Variants in PTPRD observed in about 807,000 individuals in gnomAD.
PTPRD encodes the protein receptor-type tyrosine-protein phosphatase delta.
In PTPRD, 34 loss-of-function variants were observed where a neutral mutation model predicts 214.5. The ratio of observed to expected loss-of-function variants is 0.16; its 90% CI spans 0.12 to 0.21. The LOEUF (loss-of-function observed/expected upper bound fraction) is 0.21. PTPRD is among the 10% of genes least tolerant of loss of function. The probability of loss-of-function intolerance (pLI) is 1.00; values close to 1 mark genes in which losing one functional copy is unlikely to be tolerated. For synonymous variants in PTPRD, 1,128 were observed against 845.7 expected, an observed-to-expected ratio of 1.33 and a Z score of -5.79; for missense variants, 2,545 against 2,398.7, an observed-to-expected ratio of 1.06 and a Z score of -1.27.
At chr9:8,534,375 C>T (rs942376059) in intron 14 of PTPRD, among the ~76,000 whole-genome samples, 3 of 151,758 alleles carry the variant, frequency 2.0e-5, no homozygotes, top group African/African-American at 7.3e-5. Flanking sequence ...GCTAAAAAAG[C>T]CCAGGAGTGA....
intron 2 of PTPRD, among the ~76,000 whole-genome samples, chr9:10,383,204 C>T (rs1165533926): frequency 6.6e-6 from 1 of 151,850 alleles, no homozygotes; most frequent in Non-Finnish European, 1.5e-5. Context: ...AATTTAAATA[C>T]CTTCTGTTCA....
chr9:8,510,190 G>A lies in PTPRD; in HGVS notation c.1544-2756C>T, dbSNP rs1189447499. Among the ~76,000 whole-genome samples, 4 of 152,078 alleles carry A rather than the reference G, an allele frequency of 2.6e-5. No homozygotes were observed. The East Asian group carries it at 7.7e-4, about 29-fold the overall frequency. On this transcript the variant is annotated intron_variant, in intron 21 of 45. Coordinates refer to ENST00000381196, the MANE Select transcript of PTPRD (RefSeq NM_002839.4). ...GCCTGTAGTCCCAGCTGCTTGGGAG[G>A]CTGAGGTGAGAGGATCACTTGAGTC...
At position 10,520,161 on chromosome 9, in the gene PTPRD, T is replaced by C. The variant is rs184181877; in HGVS notation, c.-600+92237A>G. Reference sequence around the variant, plus strand: ...CAAAAACTAGGCCTCTTGTGCCAGTTTGTCAAGTTGCAAATGCAAAGGAAG... The same window carrying C: ...CAAAAACTAGGCCTCTTGTGCCAGTCTGTCAAGTTGCAAATGCAAAGGAAG... On this transcript the variant is annotated intron_variant, in intron 2 of 45. Transcript: ENST00000381196. Among the ~76,000 whole-genome samples the C allele has an allele frequency of 5.3e-5, 8 of 152,236 alleles. No individual in the cohort carries two copies. The East Asian group carries it at 7.7e-4, about 15-fold the overall frequency.
chr9:10,237,135 C>G (rs1264852023), intron 3 of PTPRD, among the ~76,000 whole-genome samples: 2 of 151,626 alleles, frequency 1.3e-5, no homozygotes, highest in Non-Finnish European at 2.9e-5. Flanking sequence ...ATATGCCGCT[C>G]TGGTGGGGGA....
chr9:9,629,120 G>C (rs1035087815), intron 7 of PTPRD, among the ~76,000 whole-genome samples: 2 of 151,584 alleles, frequency 1.3e-5, no homozygotes, highest in Non-Finnish European at 2.9e-5. Context: ...GTTGCAGTGA[G>C]CCAAGATCAC....
chr9:9,853,421 G>T (rs987464449), intron 5 of PTPRD, among the ~76,000 whole-genome samples: 4 of 152,180 alleles, frequency 2.6e-5, no homozygotes, highest in African/African-American at 9.7e-5. Context: ...ACAGGCAATG[G>T]ACCTGATTTG....
At chr9:8,599,748 G>A (rs979779646) in intron 14 of PTPRD, among the ~76,000 whole-genome samples, 86 of 151,106 alleles carry the variant, frequency 5.7e-4, no homozygotes, top group East Asian at 1.4e-3. Flanking sequence ...TCCTTGAGTA[G>A]CTGGGATTAC....
intron 12 of PTPRD, among the ~76,000 whole-genome samples, chr9:8,639,605 C>T (rs990058291): frequency 6.6e-6 from 1 of 152,184 alleles, no homozygotes; most frequent in Non-Finnish European, 1.5e-5. Flanking sequence ...CTTTTCCCTG[C>T]ATCTGGATAT....
intron 35 of PTPRD, among the ~76,000 whole-genome samples, chr9:8,416,389 T>A (rs1425329804): frequency 6.6e-6 from 1 of 152,194 alleles, no homozygotes; most frequent in Non-Finnish European, 1.5e-5. Flanking sequence ...TGACAATTAT[T>A]TTATTTCCTT....
intron 5 of PTPRD, among the ~76,000 whole-genome samples, chr9:9,905,582 T>G (rs1451293189): frequency 6.6e-6 from 1 of 151,848 alleles, no homozygotes; most frequent in Non-Finnish European, 1.5e-5. Flanking sequence ...CATGTGTTCA[T>G]AAAAATAATA....
chr9:9,372,422 A>T (rs2139854365), intron 9 of PTPRD, among the ~76,000 whole-genome samples: 1 of 152,128 alleles, frequency 6.6e-6, no homozygotes, highest in South Asian at 2.1e-4. Flanking sequence ...TTTATCAGAG[A>T]CTAGGATTGC....
chr9:9,412,860 A>G (rs972304585), intron 8 of PTPRD, among the ~76,000 whole-genome samples: 5 of 151,804 alleles, frequency 3.3e-5, no homozygotes, highest in Non-Finnish European at 7.4e-5. Flanking sequence ...CACTTTTTGT[A>G]CTCTCTCAAG....
At chr9:10,045,355 T>C (rs947146828) in intron 3 of PTPRD, among the ~76,000 whole-genome samples, 2 of 151,730 alleles carry the variant, frequency 1.3e-5, no homozygotes, top group African/African-American at 2.4e-5. Flanking sequence ...TTCATATAAA[T>C]TGAAAGTCTT....
intron 11 of PTPRD, among the ~76,000 whole-genome samples, chr9:8,759,549 A>G (rs923285739): frequency 6.6e-6 from 1 of 151,702 alleles, no homozygotes; most frequent in African/African-American, 2.4e-5. Context: ...TACACTGTCA[A>G]TCTTACTCTG....
chr9:9,459,916 G>A (rs746078757), intron 8 of PTPRD, among the ~76,000 whole-genome samples: 4 of 152,014 alleles, frequency 2.6e-5, no homozygotes, highest in Non-Finnish European at 5.9e-5. Context: ...AACAAAGACA[G>A]AGGCATCACA....
intron 3 of PTPRD, among the ~76,000 whole-genome samples, chr9:10,166,803 G>C (rs769187605): frequency 6.6e-6 from 1 of 152,092 alleles, no homozygotes; most frequent in Non-Finnish European, 1.5e-5. Flanking sequence ...CACTATATCA[G>C]ATGTTTTGCC....
chr9:8,557,635 G>A (rs2084399107), intron 14 of PTPRD, among the ~76,000 whole-genome samples: 1 of 148,438 alleles, frequency 6.7e-6, no homozygotes, highest in Non-Finnish European at 1.5e-5. Flanking sequence ...CCCAACTACT[G>A]GGGAGGCTGA....
rs529154497 is a variant in PTPRD at position 9,829,552 on chromosome 9, G to GA, written c.-367-62702dup. ...GTTACAGAAAGATTTTAAATATATGGATGGCTATTTGGCAGTATGTTACCT... is the reference window on the plus strand; with the variant it reads ...GTTACAGAAAGATTTTAAATATATGGAATGGCTATTTGGCAGTATGTTACCT... On this transcript the variant is annotated intron_variant, in intron 5 of 45. Coordinates refer to ENST00000381196, the MANE Select transcript of PTPRD (RefSeq NM_002839.4). Among the ~76,000 whole-genome samples the GA allele has an allele frequency of 1.4e-3, 207 of 151,806 alleles. 2 individuals are homozygous for GA. Among genetic ancestry groups the GA allele is most frequent in the Non-Finnish European group, 1.5e-4 (10 of 67,810 alleles).
chr9:9,740,524 A>AT (rs33950646), intron 6 of PTPRD, among the ~76,000 whole-genome samples: 4 of 151,436 alleles, frequency 2.6e-5, no homozygotes, highest in South Asian at 2.1e-4. Flanking sequence ...CGCCCGGCTA[A>AT]TTTTTTTTGT....
Sources: gnomAD v4.1 joint callset for allele counts (sites outside exome capture counted in the v4.1 genomes callset) on GRCh38, gnomAD v4.1.1 for gene constraint, MANE v1.5 for transcripts, NCBI Gene and HGNC (gene_info 2026-07-23, HGNC 2026-07-21) for gene names.